The following AGMO variants were observed in gnomAD, a reference collection of about 807,000 sequenced individuals.
The protein encoded by AGMO is alkylglycerol monooxygenase.
Under a neutral mutation model 60.2 loss-of-function variants are expected in AGMO, and 75 were observed. That is an observed-to-expected ratio of 1.25 (90% CI 1.03 to 1.51). The LOEUF is 1.51. Ranked by LOEUF, AGMO falls within the 40% of genes most tolerant of loss-of-function variation. The pLI, the probability that AGMO is intolerant of heterozygous loss-of-function variation, is 0.00. For missense variants in AGMO, 763 were observed against 525.5 expected (o/e 1.45, Z -4.42); for synonymous variants, 261 against 177.1 (o/e 1.47, Z -3.76).
chr7:15,282,731 G>T (rs1027065721), intron 12 of AGMO, among the ~76,000 whole-genome samples: 1 of 152,116 alleles, frequency 6.6e-6, no homozygotes, highest in Non-Finnish European at 1.5e-5. Context: ...AATACAAGAA[G>T]CTCAAACAAC....
chr7:15,232,799 ACG>A (rs1554398735), intron 12 of AGMO, among the ~76,000 whole-genome samples: 10 of 118,878 alleles, frequency 8.4e-5, no homozygotes, highest in African/African-American at 2.8e-4. Context: ...CCACACACAC[ACG>A]CACACACACA....
At chr7:15,424,301 G>T (rs1413860199) in intron 4 of AGMO, among the ~76,000 whole-genome samples, 2 of 151,972 alleles carry the variant, frequency 1.3e-5, no homozygotes, top group Non-Finnish European at 2.9e-5. Flanking sequence ...ACCATGACTG[G>T]CCCTGCTAGT....
chr7:15,183,844 AT>A, the AGMO span, among the ~76,000 whole-genome samples: 1 of 152,212 alleles, frequency 6.6e-6, no homozygotes, highest in African/African-American at 2.4e-5. Flanking sequence ...ATTATTTTTA[AT>A]GTCACAAGGG....
At chr7:15,229,663 G>A (rs960056170) in intron 12 of AGMO, among the ~76,000 whole-genome samples, 15 of 147,498 alleles carry the variant, frequency 1.0e-4, no homozygotes, top group African/African-American at 3.7e-4. Context: ...TAAGAATTAT[G>A]GGAAAATGCG....
chr7:15,230,894 A>C (rs1032853045), intron 12 of AGMO, among the ~76,000 whole-genome samples: 1 of 152,110 alleles, frequency 6.6e-6, no homozygotes, highest in African/African-American at 2.4e-5. Flanking sequence ...GTGTCCTTCC[A>C]TGGGGGAAAT....
chr7:15,528,940 G>T (rs1256434578), intron 3 of AGMO, among the ~76,000 whole-genome samples: 1 of 152,052 alleles, frequency 6.6e-6, no homozygotes, highest in Non-Finnish European at 1.5e-5. Context: ...GAGACACCGC[G>T]CCCGGCCAAC....
chr7:15,408,424 A>G (rs1167849638), intron 5 of AGMO, among the ~76,000 whole-genome samples: 3 of 151,880 alleles, frequency 2.0e-5, no homozygotes, highest in Non-Finnish European at 4.4e-5. Context: ...TGTTGTAACC[A>G]TCTATGTAAT....
At chr7:15,125,182 C>T in the AGMO span, among the ~76,000 whole-genome samples, 799 of 152,158 alleles carry the variant, frequency 5.3e-3, 10 homozygotes, top group African/African-American at 0.018. Flanking sequence ...CAGTATTATG[C>T]AGTTTGTTCA....
intron 10 of AGMO, among the ~76,000 whole-genome samples, chr7:15,374,265 C>G (rs1783351760): frequency 6.6e-6 from 1 of 152,026 alleles, no homozygotes; most frequent in African/African-American, 2.4e-5. Context: ...CCCTAGGTGG[C>G]TACCACTAAA....
intron 4 of AGMO, among the ~76,000 whole-genome samples, chr7:15,422,506 T>C (rs541244745): frequency 6.6e-6 from 1 of 151,880 alleles, no homozygotes; most frequent in African/African-American, 2.4e-5. Flanking sequence ...AGTTCATGAG[T>C]TTTAATTGAA....
At chr7:15,272,117 G>C (rs115883727) in intron 12 of AGMO, among the ~76,000 whole-genome samples, 3,356 of 151,942 alleles carry the variant, frequency 0.022, 123 homozygotes, top group African/African-American at 0.078. Context: ...ATGTTTATCA[G>C]GGATATTGGC....
At chr7:15,523,108 G>C (rs775831980) in intron 3 of AGMO, among the ~76,000 whole-genome samples, 10 of 152,292 alleles carry the variant, frequency 6.6e-5, no homozygotes, top group Non-Finnish European at 8.8e-5. Context: ...ATCATCACTG[G>C]TCATTAGAAA....
At chr7:15,554,158 A>G (rs1785061157) in intron 2 of AGMO, among the ~76,000 whole-genome samples, 1 of 152,090 alleles carries the variant, frequency 6.6e-6, no homozygotes, top group Admixed American at 6.6e-5. Context: ...ATGTTCTCAG[A>G]AGACCTTGAA....
chr7:15,147,935 T>C, the AGMO span, among the ~76,000 whole-genome samples: 1 of 152,212 alleles, frequency 6.6e-6, no homozygotes, highest in Non-Finnish European at 1.5e-5. Flanking sequence ...ATATAAAATA[T>C]GCTTGTCATA....
intron 3 of AGMO, among the ~76,000 whole-genome samples, chr7:15,530,759 C>G (rs1784291779): frequency 7.3e-6 from 1 of 137,328 alleles, no homozygotes; most frequent in Non-Finnish European, 1.5e-5. Context: ...TATAGATATT[C>G]TATATATACA....
At chr7:15,240,195 C>A (rs1396079756) in intron 12 of AGMO, among the ~76,000 whole-genome samples, 1 of 152,056 alleles carries the variant, frequency 6.6e-6, no homozygotes, top group Non-Finnish European at 1.5e-5. Flanking sequence ...TCATATTAGG[C>A]TTGCCATATT....
In AGMO at chr7:15,312,274, A is replaced by G. The variant is rs551346811; in HGVS notation, c.1263+53240T>C. Among the ~76,000 whole-genome samples the G allele has an allele frequency of 7.2e-5, 11 of 152,316 alleles. No homozygotes were observed. The East Asian group carries it at 2.1e-3, about 29-fold the overall frequency. On this transcript the variant is annotated intron_variant, in intron 12 of 12. Transcript: ENST00000342526. ...CAATTTAATAGCTTCAAGAAGCCAG[A>G]TGAATTCCAAGCATGATAAATAAAA...
In AGMO at chr7:15,464,984, C is replaced by T. The variant is rs113934580; in HGVS notation, c.410-33876G>A. Among the ~76,000 whole-genome samples, 134 of 152,188 alleles carry T rather than the reference C, an allele frequency of 8.8e-4. No individual in the cohort carries two copies. In the Middle Eastern group the frequency reaches 0.017, roughly 19 times the overall value. Reference sequence around the variant, plus strand: ...CACAGACCAGAAGTCAATGACTGCTCGACACTTGCTAAGTCCATGTTCCCA... The same window carrying T: ...CACAGACCAGAAGTCAATGACTGCTTGACACTTGCTAAGTCCATGTTCCCA... On this transcript the variant is annotated intron_variant, in intron 3 of 12. Transcript: ENST00000342526.
At chr7:15,397,524 G>C (rs545581402) in intron 5 of AGMO, among the ~76,000 whole-genome samples, 2 of 152,274 alleles carry the variant, frequency 1.3e-5, no homozygotes, top group South Asian at 2.1e-4. Flanking sequence ...AAGGCGCTGA[G>C]AGCTAGCAAG....
Sources: gnomAD v4.1 joint callset for allele counts (sites outside exome capture counted in the v4.1 genomes callset) on GRCh38, gnomAD v4.1.1 for gene constraint, MANE v1.5 for transcripts, NCBI Gene and HGNC (gene_info 2026-07-23, HGNC 2026-07-21) for gene names.